The following FILIP1L variants were observed in gnomAD, a reference collection of about 807,000 sequenced individuals.
FILIP1L encodes the protein filamin A interacting protein 1 like, also known as filamin A-interacting protein 1-like.
In FILIP1L, 55 loss-of-function variants were observed where a neutral mutation model predicts 96.6. The ratio of observed to expected loss-of-function variants is 0.57; its 90% confidence interval spans 0.46 to 0.71. The LOEUF (loss-of-function observed/expected upper bound fraction) is 0.71. Among genes scored for constraint, FILIP1L ranks in the 30% least tolerant of loss-of-function variants. The pLI, the probability that FILIP1L is intolerant of heterozygous loss-of-function variation, is 0.00. For missense variants in FILIP1L, 1,304 were observed against 1,321.2 expected (o/e 0.99, Z 0.20); for synonymous variants, 467 against 473.9 (o/e 0.99, Z 0.19).
rs557577960 is a variant in FILIP1L at position 99,951,818 on chromosome 3, C to CT, written c.-10-20789dup. 6.5e-4 allele frequency among the ~76,000 whole-genome samples: 99 copies of CT among 152,304 alleles called. 1 individual carries two copies. In the South Asian group the frequency reaches 0.02, roughly 30 times the overall value. ...AGTTTCTGCCACAACTACTCAAACT[C>CT]TATCTTTCCAGAAAGCAGCTATGGA... On this transcript the variant is annotated intron_variant, in intron 1 of 5. Transcript: ENST00000477258.
chr3:99,942,828 C>T (rs767121445), intron 1 of FILIP1L, among the ~76,000 whole-genome samples: 15 of 126,106 alleles, frequency 1.2e-4, no homozygotes, highest in Non-Finnish European at 2.0e-4. Context: ...GACTCTGTCT[C>T]AAAAAAAAAA....
At chr3:99,868,512 A>G (rs1483606258) in intron 4 of FILIP1L, among the ~76,000 whole-genome samples, 2 of 152,208 alleles carry the variant, frequency 1.3e-5, no homozygotes, top group Non-Finnish European at 2.9e-5. Flanking sequence ...AGTAGCTGCT[A>G]TAGGTTTGGC....
At chr3:100,009,574 G>T (rs1314190109) in intron 1 of FILIP1L, among the ~76,000 whole-genome samples, 1 of 152,130 alleles carries the variant, frequency 6.6e-6, no homozygotes, top group Admixed American at 6.5e-5. Flanking sequence ...AATTTCCCCA[G>T]GTTGTTAATC....
Position 99,850,679 on chromosome 3 carries a change from G to T in FILIP1L, c.997C>A (p.Gln333Lys). 1.2e-6 allele frequency: 2 copies of T among 1,614,036 alleles called. No individual in the cohort carries two copies. The highest frequency in any genetic ancestry group is 1.7e-6 in the Non-Finnish European group (2 of 1,180,026). The change falls in exon 5 of 6, where the codon CAG becomes AAG. Residue 333 changes from glutamine (Q) to lysine (K), a missense_variant. Transcript: ENST00000477258. ...LQQKLAALSRQIDELEETNRS... is the reference protein window; with the variant it reads ...LQQKLAALSRKIDELEETNRS... ...TTTGTCTCTTCTAACTCATCAATCT[G>T]CCGGCTGAGTGCTGCCAGCTTTTGT...
At chr3:100,076,837 A>G (rs1462555792) in intron 1 of FILIP1L, among the ~76,000 whole-genome samples, 1 of 152,204 alleles carries the variant, frequency 6.6e-6, no homozygotes, top group Non-Finnish European at 1.5e-5. Flanking sequence ...AATTAGTCAG[A>G]CTTACTCAGT....
intron 1 of FILIP1L, among the ~76,000 whole-genome samples, chr3:100,047,571 A>G (rs2065297445): frequency 6.6e-6 from 1 of 152,244 alleles, no homozygotes; most frequent in African/African-American, 2.4e-5. Flanking sequence ...CACTGGTATT[A>G]CCACATGTAA....
At chr3:99,899,794 G>A (rs539600550) in intron 4 of FILIP1L, among the ~76,000 whole-genome samples, 19 of 152,126 alleles carry the variant, frequency 1.2e-4, no homozygotes, top group Non-Finnish European at 2.6e-4. Context: ...ATGTTGAATT[G>A]CATAACTTCT....
intron 4 of FILIP1L, among the ~76,000 whole-genome samples, chr3:99,885,621 CCT>C (rs1256416304): frequency 2.0e-5 from 3 of 152,222 alleles, no homozygotes; most frequent in Non-Finnish European, 2.9e-5. Context: ...GCTCACTTGA[CCT>C]CTGAAAGGTG....
chr3:99,994,247 T>C (rs1055470523), intron 1 of FILIP1L, among the ~76,000 whole-genome samples: 4 of 152,186 alleles, frequency 2.6e-5, no homozygotes, highest in Non-Finnish European at 4.4e-5. Context: ...CAAAGATTAC[T>C]AGACCTAAAG....
chr3:99,969,560 C>G (rs991979923), intron 1 of FILIP1L, among the ~76,000 whole-genome samples: 1 of 152,162 alleles, frequency 6.6e-6, no homozygotes, highest in Non-Finnish European at 1.5e-5. Context: ...ATGAGCCGTG[C>G]TATCCCAACT....
chr3:99,861,107 G>A (rs887768629), intron 4 of FILIP1L, among the ~76,000 whole-genome samples: 2 of 151,832 alleles, frequency 1.3e-5, no homozygotes, highest in Non-Finnish European at 2.9e-5. Flanking sequence ...TCTGAATTGG[G>A]GTTCTTGATT....
At chr3:100,018,022 G>C (rs1710395018) in intron 1 of FILIP1L, among the ~76,000 whole-genome samples, 1 of 152,016 alleles carries the variant, frequency 6.6e-6, no homozygotes, top group African/African-American at 2.4e-5. Context: ...GTTGTGCACA[G>C]TGACCAATAT....
At chr3:100,100,572 C>T (rs185618156) in intron 1 of FILIP1L, among the ~76,000 whole-genome samples, 4 of 152,200 alleles carry the variant, frequency 2.6e-5, no homozygotes, top group Admixed American at 2.6e-4. Flanking sequence ...CAGAGAGATT[C>T]AGAGCACACC....
chr3:99,880,285 T>C (rs1705679499), intron 4 of FILIP1L, among the ~76,000 whole-genome samples: 1 of 152,212 alleles, frequency 6.6e-6, no homozygotes, highest in Admixed American at 6.5e-5. Context: ...TCTGTACATG[T>C]AGATACCCAC....
At chr3:100,035,573 C>T (rs558348766) in intron 1 of FILIP1L, among the ~76,000 whole-genome samples, 124 of 152,264 alleles carry the variant, frequency 8.1e-4, no homozygotes, top group Non-Finnish European at 1.6e-3. Flanking sequence ...GAATTATTTA[C>T]TTGAATTTTT....
Position 99,829,626 on chromosome 3 carries a change from A to C in FILIP1L, c.*788T>G, listed in dbSNP as rs1942610287. ...TTGGAATTTGAGTCTCCTAACCCCA[A>C]GCTTTTGTTGAATCAACTGATTTTC... On this transcript the variant is annotated 3_prime_UTR_variant, in exon 6 of 6. Coordinates refer to ENST00000477258, the MANE Select transcript of FILIP1L (RefSeq NM_001387850.1). 6.6e-6 allele frequency among the ~76,000 whole-genome samples: 1 copy of C among 152,208 alleles called. No homozygotes were observed. Among genetic ancestry groups the C allele is most frequent in the African/African-American group, 2.4e-5 (1 of 41,452 alleles).
At chr3:100,111,233 A>G (rs1375378553) in intron 1 of FILIP1L, among the ~76,000 whole-genome samples, 1 of 152,132 alleles carries the variant, frequency 6.6e-6, no homozygotes, top group African/African-American at 2.4e-5. Context: ...GGAGGAGTGA[A>G]ACTTTCCTCT....
intron 1 of FILIP1L, among the ~76,000 whole-genome samples, chr3:99,972,481 C>T (rs1708852371): frequency 6.6e-6 from 1 of 152,164 alleles, no homozygotes; most frequent in Non-Finnish European, 1.5e-5. Flanking sequence ...TATTTCTCTC[C>T]ATTAGTTATT....
intron 1 of FILIP1L, among the ~76,000 whole-genome samples, chr3:99,987,467 T>C (rs543722221): frequency 5.4e-5 from 8 of 147,332 alleles, no homozygotes; most frequent in Non-Finnish European, 8.9e-5. Context: ...AGGCAGAGGT[T>C]GCAGTGAGCC....
Sources: allele counts gnomAD v4.1 joint callset (sites outside exome capture counted in the v4.1 genomes callset), GRCh38; gene constraint gnomAD v4.1.1; transcripts MANE v1.5; gene names NCBI Gene and HGNC (gene_info 2026-07-23, HGNC 2026-07-21).